The following SAMD3 variants were observed in gnomAD, a reference collection of about 807,000 sequenced individuals.
SAMD3 encodes sterile alpha motif domain containing 3, also known as sterile alpha motif domain-containing protein 3.
SAMD3 carries 63 observed loss-of-function variants against 58.5 expected under a neutral mutation model. The ratio of observed to expected loss-of-function variants is 1.08; its 90% CI spans 0.88 to 1.33. The LOEUF (loss-of-function observed/expected upper bound fraction) is 1.33, where lower values mean the gene tolerates loss of function less well. Ranked by LOEUF, SAMD3 falls within the 40% of genes most tolerant of loss-of-function variation. The probability of loss-of-function intolerance (pLI) is 0.00; values close to 1 mark genes in which losing one functional copy is unlikely to be tolerated. For synonymous variants in SAMD3, 220 were observed against 210.3 expected, an observed-to-expected ratio of 1.05 and a Z score of -0.40; for missense variants, 604 against 608.4, an observed-to-expected ratio of 0.99 and a Z score of 0.08.
At chr6:130,248,831 A>C (rs1166041105) in intron 2 of SAMD3, among the ~76,000 whole-genome samples, 3 of 152,152 alleles carry the variant, frequency 2.0e-5, no homozygotes, top group Admixed American at 6.5e-5. Context: ...GCCACCTAGA[A>C]ACCTTAACAA....
At chr6:130,271,197 G>A (rs1005868059) in intron 2 of SAMD3, among the ~76,000 whole-genome samples, 29 of 151,802 alleles carry the variant, frequency 1.9e-4, no homozygotes, top group Admixed American at 1.1e-3. Flanking sequence ...ACAGGGTTTC[G>A]CCATGTTGCC....
intron 1 of SAMD3, among the ~76,000 whole-genome samples, chr6:130,315,793 A>G (rs1301223548): frequency 6.6e-6 from 1 of 152,178 alleles, no homozygotes; most frequent in Non-Finnish European, 1.5e-5. Flanking sequence ...AAACAGTAAT[A>G]CATCACGTGA....
intron 4 of SAMD3, among the ~76,000 whole-genome samples, chr6:130,211,676 G>A (rs1005969992): frequency 2.6e-5 from 4 of 151,948 alleles, no homozygotes; most frequent in Admixed American, 2.0e-4. Flanking sequence ...TAAATCTTAC[G>A]CTGATTGATG....
At chr6:130,214,682 A>G (rs766069971) in intron 3 of SAMD3, among the ~76,000 whole-genome samples, 156 bp from the exon 4 acceptor site, 6 of 152,214 alleles carry the variant, frequency 3.9e-5, no homozygotes, top group South Asian at 2.1e-4. Flanking sequence ...TAAAACTCCA[A>G]TGTTGCATAA....
intron 1 of SAMD3, among the ~76,000 whole-genome samples, chr6:130,338,963 G>A (rs1777182518): frequency 6.6e-6 from 1 of 152,160 alleles, no homozygotes; most frequent in African/African-American, 2.4e-5. Flanking sequence ...GTTTTGAAAT[G>A]TAAAAAGGAT....
chr6:130,150,710 ATTC>A (rs1300969544), intron 9 of SAMD3, among the ~76,000 whole-genome samples: 2 of 144,852 alleles, frequency 1.4e-5, no homozygotes, highest in African/African-American at 2.6e-5. Flanking sequence ...CTGGGCCAGA[ATTC>A]TTTTTTTTTT....
intron 7 of SAMD3, among the ~76,000 whole-genome samples, chr6:130,179,869 G>A (rs1218823565): frequency 5.2e-5 from 7 of 135,128 alleles, no homozygotes; most frequent in South Asian, 2.4e-4. Flanking sequence ...GCTAGAGTAC[G>A]ACGACACTGA....
chr6:130,278,262 C>A (rs1210293333), intron 2 of SAMD3, among the ~76,000 whole-genome samples: 2 of 152,164 alleles, frequency 1.3e-5, no homozygotes, highest in African/African-American at 4.8e-5. Context: ...ATCAGCACTC[C>A]CAACTCACTG....
At chr6:130,357,863 GT>G (rs1476707288) in intron 1 of SAMD3, among the ~76,000 whole-genome samples, 2 of 152,214 alleles carry the variant, frequency 1.3e-5, no homozygotes, top group African/African-American at 4.8e-5. Flanking sequence ...CGGTCATCAT[GT>G]TTTTTGTTGG....
At chr6:130,349,936 T>A (rs1777599864) in intron 1 of SAMD3, among the ~76,000 whole-genome samples, 2 of 152,226 alleles carry the variant, frequency 1.3e-5, no homozygotes. Context: ...TCAATAAATG[T>A]AATCCAGCAT....
At chr6:130,266,575 T>A (rs1049535631) in intron 2 of SAMD3, among the ~76,000 whole-genome samples, 6 of 151,940 alleles carry the variant, frequency 3.9e-5, no homozygotes, top group African/African-American at 1.5e-4. Flanking sequence ...CAAACCATAC[T>A]AAAAAAAATC....
chr6:130,205,154 T>TA (rs10680576), intron 5 of SAMD3, among the ~76,000 whole-genome samples: 59,793 of 138,146 alleles, frequency 0.43, 13,711 homozygotes, highest in African/African-American at 0.53. Context: ...TTTGGCTCTG[T>TA]AAAAAAAAAA....
rs1218529024 is a variant in SAMD3, at chr6:130,209,553, A to C, written c.325T>G (p.Phe109Val). 16 of 1,613,948 alleles carry C rather than the reference A, an allele frequency of 9.9e-6. No homozygotes were observed. In the Admixed American group the frequency reaches 2.7e-4, roughly 27 times the overall value. Residue 109 changes from phenylalanine to valine, a missense_variant, in exon 5 of 12, where the codon TTC becomes GTC. By Grantham distance (50) the Phe-to-Val change is conservative. Coordinates refer to ENST00000439090, the MANE Select transcript of SAMD3 (RefSeq NM_001017373.4). ...PARHGEQMPS[F>V]YPAENLDNGL... ...TTATCAAGGTTTTCAGCTGGATAGA[A>C]AGATGGCATCTGCTCCCCATGCCTG...
chr6:130,251,131 G>C (rs1333798817), intron 2 of SAMD3, among the ~76,000 whole-genome samples: 2 of 152,152 alleles, frequency 1.3e-5, no homozygotes, highest in South Asian at 4.1e-4. Flanking sequence ...AGCCATCCAA[G>C]TGGGCATAAA....
chr6:130,210,535 G>T (rs1049083948), intron 4 of SAMD3, among the ~76,000 whole-genome samples: 3 of 151,430 alleles, frequency 2.0e-5, no homozygotes, highest in African/African-American at 7.3e-5. Flanking sequence ...GGAGGCAGAG[G>T]TTGCAGTGAG....
At chr6:130,195,859 T>C (rs1794056694) in intron 5 of SAMD3, among the ~76,000 whole-genome samples, 1 of 152,124 alleles carries the variant, frequency 6.6e-6, no homozygotes, top group South Asian at 2.1e-4. Flanking sequence ...ATCCTAGGCA[T>C]GGTTAGATAC....
At chr6:130,178,951 C>T (rs1181681261) in intron 7 of SAMD3, among the ~76,000 whole-genome samples, 1 of 152,166 alleles carries the variant, frequency 6.6e-6, no homozygotes, top group Non-Finnish European at 1.5e-5. Flanking sequence ...TTTACCATTG[C>T]TGTTTTACCA....
At chr6:130,243,236 T>C (rs1192154632) in intron 2 of SAMD3, among the ~76,000 whole-genome samples, 1 of 152,144 alleles carries the variant, frequency 6.6e-6, no homozygotes, top group Non-Finnish European at 1.5e-5. Flanking sequence ...TGGAAAGGAA[T>C]TTTAGGTCCT....
At chr6:130,324,358 G>C (rs1034355418) in intron 1 of SAMD3, among the ~76,000 whole-genome samples, 6 of 152,176 alleles carry the variant, frequency 3.9e-5, no homozygotes, top group Admixed American at 1.3e-4. Context: ...CCATACATAT[G>C]ATGAGTATGT....
Sources: gnomAD v4.1 joint callset for allele counts (sites outside exome capture counted in the v4.1 genomes callset) on GRCh38, gnomAD v4.1.1 for gene constraint, MANE v1.5 for transcripts, NCBI Gene and HGNC (gene_info 2026-07-23, HGNC 2026-07-21) for gene names.